The following ASMTL variants were observed in gnomAD, a reference collection of about 807,000 sequenced individuals.
ASMTL encodes the protein probable bifunctional dTTP/UTP pyrophosphatase/methyltransferase protein.
In ASMTL, 57 loss-of-function variants were observed where a neutral mutation model predicts 60.3. That is an observed-to-expected ratio of 0.95 (90% CI 0.76 to 1.18). ASMTL has a LOEUF of 1.18. Among genes scored for constraint, ASMTL ranks in the 50% most tolerant of loss-of-function variants. The pLI, the probability that ASMTL is intolerant of heterozygous loss-of-function variation, is 0.00. For missense variants in ASMTL, 981 were observed against 852.6 expected, an observed-to-expected ratio of 1.15 and a Z score of -1.88; for synonymous variants, 419 against 373.0, an observed-to-expected ratio of 1.12 and a Z score of -1.42.
At position 1,403,496 on chromosome X, in the gene ASMTL, G is replaced by A. The variant is rs2089672705; in HGVS notation, c.1646-7C>T. On this transcript the variant is annotated splice_region_variant and splice_polypyrimidine_tract_variant and intron_variant, in intron 12 of 12. Transcript: ENST00000381317. ...ACCAGCAGCAGGCCGGCCCCTGAGG[G>A]AGACAGCAGAGAGCTGGAGTCCTGG... 5 of 1,611,958 alleles carry A rather than the reference G, an allele frequency of 3.1e-6. No individual in the cohort carries two copies. In the South Asian group the frequency reaches 5.5e-5, roughly 18 times the overall value.
At position 1,419,996 on chromosome X, in the gene ASMTL, TTC is replaced by T. The variant is rs1199536767; in HGVS notation, c.1246-884_1246-883del. On this transcript the variant is annotated intron_variant, in intron 9 of 12. Transcript: ENST00000381317. ...TGTCTTCCTCTTTCTCTCTCTCTGTTTCTGTCTCCTGTCTCTGTTTCTTTCTA... is the reference window on the plus strand; with the variant it reads ...TGTCTTCCTCTTTCTCTCTCTCTGTTTGTCTCCTGTCTCTGTTTCTTTCTA... Among the ~76,000 whole-genome samples, 179 of 151,610 alleles carry T rather than the reference TTC, an allele frequency of 1.2e-3. 1 individual carries two copies. Among genetic ancestry groups the T allele is most frequent in the Non-Finnish European group, 2.3e-3 (156 of 67,820 alleles).
At chrX:1,450,813 A>C (rs1196378205) in intron 1 of ASMTL, among the ~76,000 whole-genome samples, 41 of 46,456 alleles carry the variant, frequency 8.8e-4, no homozygotes, top group Admixed American at 1.8e-3. Context: ...TACTTTCCCC[A>C]CCCACATCCC....
At position 1,412,774 on chromosome X, in the gene ASMTL, CT is replaced by C. The variant is rs1569531584; in HGVS notation, c.1602del (p.Val535SerfsTer36). 6.2e-7 allele frequency: 1 copy of C among 1,613,968 alleles called. No homozygotes were observed. The highest frequency in any genetic ancestry group is 1.3e-5 in the African/African-American group (1 of 75,042). On this transcript the variant is annotated frameshift_variant, in exon 12 of 13. Transcript: ENST00000381317. LOFTEE classifies it low-confidence loss of function (END_TRUNC). ...GCGACCCTGCTGAGTAACTTGTGGA[CT>C]TTGTCGTCTGGCCAGTCATGCAGGA... Reference protein sequence around the residue: ...CRILHDWPDDKVHKLLSRVAE... With the variant: ...CRILHDWPDDXVHKLLSRVAE...
intron 12 of ASMTL, among the ~76,000 whole-genome samples, chrX:1,408,115 CGCTTG>C (rs2089935466): frequency 6.7e-6 from 1 of 149,660 alleles, no homozygotes; most frequent in African/African-American, 2.5e-5. Context: ...GCAGGAGGAT[CGCTTG>C]AGCGCAGGAG....
intron 1 of ASMTL, among the ~76,000 whole-genome samples, chrX:1,450,828 C>T (rs5949199): frequency 0.41 from 49,405 of 121,358 alleles, 12,129 homozygotes; most frequent in East Asian, 0.59. Flanking sequence ...CATCCCTAGG[C>T]GGTACTGGAT....
rs1430328298 is a variant in ASMTL at position 1,425,772 on chromosome X, G to A, written c.898-85C>T. 2.1e-5 allele frequency: 30 copies of A among 1,415,630 alleles called. No homozygotes were observed. The Admixed American group carries it at 2.4e-4, about 11-fold the overall frequency. The allele number at this position is 1,415,630 out of a possible 1,614,324, so 87.7% of individuals were successfully genotyped here. On this transcript the variant is annotated intron_variant, in intron 7 of 12. Coordinates refer to ENST00000381317, the MANE Select transcript of ASMTL (RefSeq NM_004192.4). ...ACAGACTCAAAAGATGGAGGCCAACGCTGTCGGAAGTATACAACTTGGCCA... is the reference window on the plus strand; with the variant it reads ...ACAGACTCAAAAGATGGAGGCCAACACTGTCGGAAGTATACAACTTGGCCA...
At chrX:1,448,149 C>G (rs1480899936) in intron 1 of ASMTL, among the ~76,000 whole-genome samples, 1 of 151,522 alleles carries the variant, frequency 6.6e-6, no homozygotes. Context: ...ACACCGCCAT[C>G]TTGGATAAGC....
chrX:1,448,389 T>C (rs187235883), intron 1 of ASMTL, among the ~76,000 whole-genome samples: 6 of 147,600 alleles, frequency 4.1e-5, no homozygotes, highest in Non-Finnish European at 7.4e-5. Context: ...ACCACCATCT[T>C]GGACACACCG....
chrX:1,415,696 C>T (rs2090218106), intron 11 of ASMTL, among the ~76,000 whole-genome samples: 1 of 152,112 alleles, frequency 6.6e-6, no homozygotes, highest in African/African-American at 2.4e-5. Flanking sequence ...GAACTCCTGA[C>T]CACAGGGGAT....
intron 4 of ASMTL, 110 bp downstream of exon 4, chrX:1,435,584 A>T: frequency 9.8e-7 from 1 of 1,020,502 alleles, no homozygotes; most frequent in Non-Finnish European, 1.5e-6. Flanking sequence ...CACAGCTCAG[A>T]CGGCAGAGCT....
chrX:1,431,037 AATC>A (rs750241565), intron 6 of ASMTL, among the ~76,000 whole-genome samples: 307 of 130,612 alleles, frequency 2.4e-3, no homozygotes, highest in African/African-American at 8.5e-3. Flanking sequence ...TACATATATT[AATC>A]ATATTTAATA....
In ASMTL at chrX:1,405,653, A is replaced by AGATG. The variant is rs1364625113; in HGVS notation, c.1646-2168_1646-2165dup. ...GGATGGATAGATGGATGCATGGATG[A>AGATG]GATGGATGGATGGGTGAATAGATGG... On this transcript the variant is annotated intron_variant, in intron 12 of 12. Transcript: ENST00000381317. Among the ~76,000 whole-genome samples, 1,218 of 148,936 alleles carry AGATG rather than the reference A, an allele frequency of 8.2e-3. 12 individuals are homozygous for AGATG. Among genetic ancestry groups the AGATG allele is most frequent in the African/African-American group, 0.029 (1,160 of 39,980 alleles).
chrX:1,416,924 A>G (rs190304701), intron 11 of ASMTL, among the ~76,000 whole-genome samples: 2 of 151,576 alleles, frequency 1.3e-5, no homozygotes, highest in East Asian at 1.9e-4. Flanking sequence ...ACAGAGGTGC[A>G]CACACACACA....
intron 5 of ASMTL, 88 bp from the exon 6 acceptor site, chrX:1,432,465 T>G (rs765362924): frequency 1.1e-6 from 1 of 947,656 alleles, no homozygotes; most frequent in Non-Finnish European, 1.7e-6. Flanking sequence ...TGTGGAGGTG[T>G]GTACTCGAGC....
At chrX:1,445,488 A>G (rs1250789251) in intron 1 of ASMTL, among the ~76,000 whole-genome samples, 2 of 152,108 alleles carry the variant, frequency 1.3e-5, no homozygotes, top group Non-Finnish European at 2.9e-5. Flanking sequence ...TGGCCCGAAC[A>G]TAGCACCTTT....
At chrX:1,453,422 C>G (rs2091445462), upstream of ASMTL, among the ~76,000 whole-genome samples, 1 of 151,864 alleles carries the variant, frequency 6.6e-6, no homozygotes, top group African/African-American at 2.4e-5. Flanking sequence ...CCCGTCCCCG[C>G]CCCCGGCGCT....
intron 1 of ASMTL, among the ~76,000 whole-genome samples, chrX:1,443,062 C>CAT (rs2091141758): frequency 1.4e-5 from 2 of 140,776 alleles, no homozygotes; most frequent in African/African-American, 2.8e-5. Flanking sequence ...ATCGTGGACA[C>CAT]ACACCGTCGT....
intron 11 of ASMTL, among the ~76,000 whole-genome samples, chrX:1,416,833 G>A (rs1279196403): frequency 1.4e-5 from 2 of 142,406 alleles, no homozygotes; most frequent in East Asian, 4.4e-4. Flanking sequence ...ATACAGATGG[G>A]CACACAGACA....
At position 1,438,016 on chromosome X, in the gene ASMTL, C is replaced by T. The variant is rs1221459994; in HGVS notation, c.273+1081G>A. 3.1e-4 allele frequency among the ~76,000 whole-genome samples: 46 copies of T among 149,902 alleles called. 1 individual carries two copies. The highest frequency in any genetic ancestry group is 9.3e-4 in the African/African-American group (38 of 40,686). On this transcript the variant is annotated intron_variant, in intron 3 of 12. Coordinates refer to ENST00000381317, the MANE Select transcript of ASMTL (RefSeq NM_004192.4). The stretch of plus-strand genomic sequence containing the variant: ...AGAAGGGGAAAATTTCAGCCGGGCG[C>T]GGTGGCTCACGCCTGTCATCCCAGC...
Sources: gnomAD v4.1 joint callset for allele counts (sites outside exome capture counted in the v4.1 genomes callset) on GRCh38, gnomAD v4.1.1 for gene constraint, MANE v1.5 for transcripts, NCBI Gene and HGNC (gene_info 2026-07-23, HGNC 2026-07-21) for gene names.